The following DLG2 variants were observed in gnomAD, a reference collection of about 807,000 sequenced individuals.
The protein encoded by DLG2 is discs large MAGUK scaffold protein 2.
A neutral mutation model predicts 132.5 loss-of-function variants in DLG2; 45 were observed. That is an observed-to-expected ratio of 0.34 (90% CI 0.27 to 0.44). The LOEUF is 0.44. Among genes scored for constraint, DLG2 ranks in the 20% least tolerant of loss-of-function variants. DLG2 has a pLI of 1.00. For missense variants in DLG2, 1,045 were observed against 1,196.9 expected (o/e 0.87, Z 1.87); for synonymous variants, 424 against 419.6 (o/e 1.01, Z -0.13).
intron 8 of DLG2, among the ~76,000 whole-genome samples, chr11:84,200,287 C>CT (rs2096575179): frequency 6.6e-6 from 1 of 152,026 alleles, no homozygotes; most frequent in East Asian, 1.9e-4. Flanking sequence ...AAATAAAACA[C>CT]TGAAGAAACA....
chr11:85,094,831 G>C (rs749572206), intron 6 of DLG2, among the ~76,000 whole-genome samples: 26 of 152,292 alleles, frequency 1.7e-4, no homozygotes, highest in Non-Finnish European at 3.8e-4. Context: ...CAACTTGGCT[G>C]TTTGGTGCAA....
chr11:84,451,851 T>A (rs1157004160), intron 7 of DLG2, among the ~76,000 whole-genome samples: 1 of 151,806 alleles, frequency 6.6e-6, no homozygotes, highest in East Asian at 1.9e-4. Context: ...ATTTTTCTGA[T>A]AAGTTGATTA....
chr11:84,119,571 A>G (rs2093805727), intron 9 of DLG2, among the ~76,000 whole-genome samples: 1 of 152,048 alleles, frequency 6.6e-6, no homozygotes. Context: ...CTTAATAGTC[A>G]TGGTGAGAAT....
chr11:83,541,958 A>G (rs558671099), intron 19 of DLG2, 100 bp from the exon 20 acceptor site: 3 of 1,099,266 alleles, frequency 2.7e-6, no homozygotes. Context: ...AGAACCTATC[A>G]TCACTTGATA....
intron 11 of DLG2, among the ~76,000 whole-genome samples, chr11:84,042,535 T>C (rs2096117622): frequency 6.6e-6 from 1 of 151,930 alleles, no homozygotes. Context: ...AATGGCACAT[T>C]ATGGTATTCC....
chr11:85,143,085 C>T (rs543061150), intron 5 of DLG2, among the ~76,000 whole-genome samples: 13 of 151,490 alleles, frequency 8.6e-5, no homozygotes, highest in Admixed American at 2.6e-4. Flanking sequence ...TTTGGAAGTG[C>T]TCCTTCCTCC....
chr11:85,032,216 C>T (rs1046777734), intron 6 of DLG2, among the ~76,000 whole-genome samples: 1 of 151,982 alleles, frequency 6.6e-6, no homozygotes, highest in Non-Finnish European at 1.5e-5. Flanking sequence ...AACAATAATC[C>T]AGGTGATTGT....
intron 3 of DLG2, among the ~76,000 whole-genome samples, chr11:85,502,849 C>G (rs2093836829): frequency 6.6e-6 from 1 of 152,054 alleles, no homozygotes. Flanking sequence ...TAGAAAAACT[C>G]ATGTGTACCT....
intron 18 of DLG2, among the ~76,000 whole-genome samples, chr11:83,777,794 GA>G (rs2094645413): frequency 6.6e-6 from 1 of 152,158 alleles, no homozygotes; most frequent in East Asian, 1.9e-4. Flanking sequence ...AATGTATGGG[GA>G]AAAAAGGAAA....
chr11:85,030,244 T>G (rs1366338564), intron 6 of DLG2, among the ~76,000 whole-genome samples: 1 of 152,220 alleles, frequency 6.6e-6, no homozygotes, highest in African/African-American at 2.4e-5. Context: ...GGTTTTGTTT[T>G]GTGGGTTTTG....
intron 7 of DLG2, among the ~76,000 whole-genome samples, chr11:84,410,474 G>C (rs575775493): frequency 2.0e-5 from 3 of 151,704 alleles, no homozygotes; most frequent in African/African-American, 7.3e-5. Flanking sequence ...AATTTAGACA[G>C]CTTCTTTGGT....
At chr11:84,756,569 T>A (rs2066902073) in intron 6 of DLG2, among the ~76,000 whole-genome samples, 1 of 152,162 alleles carries the variant, frequency 6.6e-6, no homozygotes, top group African/African-American at 2.4e-5. Flanking sequence ...ATAATTCCAC[T>A]TACCTTAGAA....
chr11:83,878,938 A>C (rs1339503548), intron 15 of DLG2, among the ~76,000 whole-genome samples: 2 of 152,200 alleles, frequency 1.3e-5, no homozygotes, highest in East Asian at 3.8e-4. Flanking sequence ...TTGCCTGTCC[A>C]AATGATGCTG....
intron 6 of DLG2, among the ~76,000 whole-genome samples, chr11:84,540,594 G>C (rs2099366176): frequency 6.6e-6 from 1 of 152,158 alleles, no homozygotes. Context: ...CTGTTGGTGG[G>C]ACCGTAAACT....
At chr11:84,215,427 T>C (rs1160776405) in intron 8 of DLG2, among the ~76,000 whole-genome samples, 3 of 144,408 alleles carry the variant, frequency 2.1e-5, no homozygotes, top group Non-Finnish European at 3.0e-5. Flanking sequence ...GTCTTAACAC[T>C]ATCAATTATT....
intron 19 of DLG2, among the ~76,000 whole-genome samples, chr11:83,627,333 T>C (rs963637541): frequency 6.6e-6 from 1 of 152,106 alleles, no homozygotes; most frequent in Non-Finnish European, 1.5e-5. Context: ...GCATTAGGTA[T>C]ATCTCCTAAT....
chr11:83,563,141 A>AT (rs1421385816), intron 19 of DLG2, among the ~76,000 whole-genome samples: 6 of 151,092 alleles, frequency 4.0e-5, no homozygotes, highest in African/African-American at 1.2e-4. Context: ...CGCCCAGCTA[A>AT]TTTTTTTGTA....
rs192078085 is a variant in DLG2, at chr11:85,267,165, A to G, written c.186+18055T>C. Among the ~76,000 whole-genome samples the G allele has an allele frequency of 3.6e-3, 546 of 152,316 alleles. 1 individual carries two copies. The highest frequency in any genetic ancestry group is 6.1e-3 in the Non-Finnish European group (415 of 68,022). On this transcript the variant is annotated intron_variant, in intron 4 of 27. Transcript: ENST00000376104. The stretch of plus-strand genomic sequence containing the variant: ...AGGGTAGAGTAATCATGAATAGGAT[A>G]AGTACCCTTACAAAAAGACATGAGA...
chr11:84,424,895 C>T (rs1040461462), intron 7 of DLG2, among the ~76,000 whole-genome samples: 21 of 151,964 alleles, frequency 1.4e-4, no homozygotes, highest in African/African-American at 4.6e-4. Flanking sequence ...TAAGATTCAG[C>T]AAATAAGCAA....
Sources: gnomAD v4.1 joint callset for allele counts (sites outside exome capture counted in the v4.1 genomes callset) on GRCh38, gnomAD v4.1.1 for gene constraint, MANE v1.5 for transcripts, NCBI Gene and HGNC (gene_info 2026-07-23, HGNC 2026-07-21) for gene names.